The following DDAH1 variants were observed in gnomAD, a reference collection of about 807,000 sequenced individuals.
DDAH1 encodes N(G),N(G)-dimethylarginine dimethylaminohydrolase 1.
A neutral mutation model predicts 28.8 loss-of-function variants in DDAH1; 19 were observed. That is an observed-to-expected ratio of 0.66 (90% CI 0.46 to 0.97). The LOEUF (loss-of-function observed/expected upper bound fraction) is 0.97. Ranked by LOEUF, DDAH1 falls within the 50% of genes least tolerant of loss-of-function variation. The pLI is 0.00. For synonymous variants in DDAH1, 153 were observed against 154.4 expected, an observed-to-expected ratio of 0.99 and a Z score of 0.07; for missense variants, 326 against 375.9, an observed-to-expected ratio of 0.87 and a Z score of 1.10.
At chr1:85,508,213 T>C (rs1225579502) in intron 1 of DDAH1, among the ~76,000 whole-genome samples, 2 of 152,232 alleles carry the variant, frequency 1.3e-5, no homozygotes, top group East Asian at 1.9e-4. Flanking sequence ...CTTGCCTGAA[T>C]CGATTATTTC....
At chr1:85,357,286 T>C (rs955665914) in intron 2 of DDAH1, among the ~76,000 whole-genome samples, 3 of 152,090 alleles carry the variant, frequency 2.0e-5, no homozygotes, top group African/African-American at 7.2e-5. Context: ...ACCCCAGAGA[T>C]GGACCACTGC....
At chr1:85,441,747 A>G in intron 1 of DDAH1, among the ~76,000 whole-genome samples, 1 of 152,130 alleles carries the variant, frequency 6.6e-6, no homozygotes, top group East Asian at 1.9e-4. Flanking sequence ...CCAATGTTTC[A>G]TATTTATTAT....
chr1:85,454,893 G>A (rs544332484), intron 1 of DDAH1, among the ~76,000 whole-genome samples: 1 of 152,240 alleles, frequency 6.6e-6, no homozygotes, highest in South Asian at 2.1e-4. Flanking sequence ...TAGGGAGGCC[G>A]AAGCCTTAAT....
At position 85,535,395 on chromosome 1, in the gene DDAH1, A is replaced by G. The variant is rs541230806; in HGVS notation, c.-122-39114T>C. 5.7e-5 allele frequency among the ~76,000 whole-genome samples: 7 copies of G among 123,824 alleles called. No individual in the cohort carries two copies. In the East Asian group the frequency reaches 6.7e-4, roughly 12 times the overall value. The allele number at this position is 123,824 out of a possible 152,430, so 81.2% of individuals were successfully genotyped here. A position where few individuals can be genotyped will look rare whatever the true frequency, so the allele number is the denominator to read the frequency against. On this transcript the variant is annotated intron_variant, in intron 1 of 6. Coordinates refer to the DDAH1 transcript ENST00000426972. ...TTCTAACCTAAATCCCGCACGTTCT[A>G]GTTTCAGCCCATTTCCCTTTGCTCT...
chr1:85,359,939 C>T (rs1649698106), intron 1 of DDAH1, among the ~76,000 whole-genome samples: 2 of 152,082 alleles, frequency 1.3e-5, no homozygotes, highest in South Asian at 4.1e-4. Flanking sequence ...AGTAGCTCAA[C>T]AAAACAATTT....
At chr1:85,536,948 C>CATATATATAT (rs202209648) in intron 1 of DDAH1, among the ~76,000 whole-genome samples, 2 of 91,822 alleles carry the variant, frequency 2.2e-5, no homozygotes, top group African/African-American at 4.0e-5. Context: ...GAAAATGTGG[C>CATATATATAT]ATATATATAT....
Position 85,351,500 on chromosome 1 carries a change from A to G in DDAH1, c.477+6T>C. 7 of 1,613,198 alleles carry G rather than the reference A, an allele frequency of 4.3e-6. No homozygotes were observed. Among genetic ancestry groups the G allele is most frequent in the Non-Finnish European group, 5.1e-6 (6 of 1,179,252 alleles). ...TTGTGCCAGGCATAAACTACCTTTT[A>G]CCTACCTTAAAAGTATCAGCCAAGA... On this transcript the variant is annotated splice_donor_region_variant and intron_variant, in intron 3 of 5. Transcript: ENST00000284031.
intron 4 of DDAH1, among the ~76,000 whole-genome samples, chr1:85,337,054 T>C (rs1648178216): frequency 6.6e-6 from 1 of 152,220 alleles, no homozygotes; most frequent in East Asian, 1.9e-4. Context: ...TCAACATACA[T>C]AAATTAATAA....
At chr1:85,532,343 A>G (rs1658118457) in intron 1 of DDAH1, among the ~76,000 whole-genome samples, 1 of 151,010 alleles carries the variant, frequency 6.6e-6, no homozygotes. Flanking sequence ...AAGAAAAACA[A>G]TCTTTTGTGC....
intron 1 of DDAH1, chr1:85,379,802 T>A: frequency 2.7e-6 from 2 of 730,022 alleles, no homozygotes; most frequent in Non-Finnish European, 3.4e-6. Context: ...GAATCTTAGG[T>A]CATCTTTGAC....
At chr1:85,346,036 C>T (rs539495147) in intron 4 of DDAH1, among the ~76,000 whole-genome samples, 4 of 152,332 alleles carry the variant, frequency 2.6e-5, no homozygotes, top group African/African-American at 9.6e-5. Context: ...GAATCCACTT[C>T]ATTAACCAAG....
chr1:85,568,729 T>G (rs2100561725), intron 1 of DDAH1, among the ~76,000 whole-genome samples: 1 of 152,206 alleles, frequency 6.6e-6, no homozygotes, highest in Middle Eastern at 3.4e-3. Context: ...TGATACTATG[T>G]CCAAAGCATA....
At chr1:85,386,138 GT>G (rs1249467212) in intron 1 of DDAH1, among the ~76,000 whole-genome samples, 1 of 152,058 alleles carries the variant, frequency 6.6e-6, no homozygotes, top group Non-Finnish European at 1.5e-5. Flanking sequence ...CCTTTCCCTG[GT>G]TCCCCAAATC....
At chr1:85,409,390 C>T (rs1358566173) in intron 1 of DDAH1, among the ~76,000 whole-genome samples, 1 of 152,142 alleles carries the variant, frequency 6.6e-6, no homozygotes, top group Non-Finnish European at 1.5e-5. Context: ...CCAAATGAAA[C>T]ACCTTCATTA....
At chr1:85,513,717 G>T (rs1352097475) in intron 1 of DDAH1, among the ~76,000 whole-genome samples, 1 of 152,176 alleles carries the variant, frequency 6.6e-6, no homozygotes, top group Admixed American at 6.5e-5. Context: ...CTTCTCAAAA[G>T]AAGACATTTA....
At chr1:85,367,734 C>T (rs2100877904) in intron 1 of DDAH1, among the ~76,000 whole-genome samples, 1 of 152,180 alleles carries the variant, frequency 6.6e-6, no homozygotes, top group African/African-American at 2.4e-5. Context: ...AACATAATTC[C>T]TCTTCTTCCC....
chr1:85,486,995 G>C (rs1656228849), intron 2 of DDAH1, among the ~76,000 whole-genome samples: 1 of 152,162 alleles, frequency 6.6e-6, no homozygotes, highest in South Asian at 2.1e-4. Flanking sequence ...AAAATGATCA[G>C]AACTACAGAA....
intron 1 of DDAH1, among the ~76,000 whole-genome samples, chr1:85,536,941 A>G: frequency 8.1e-6 from 1 of 123,418 alleles, no homozygotes; most frequent in South Asian, 2.8e-4. Context: ...AGATAAAGAA[A>G]ATGTGGCATA....
intron 2 of DDAH1, among the ~76,000 whole-genome samples, chr1:85,489,278 T>C (rs1015663352): frequency 3.2e-4 from 48 of 152,188 alleles, no homozygotes; most frequent in African/African-American, 1.0e-3. Flanking sequence ...GTGTGTGCTA[T>C]TCCAGCAGCC....
Sources: gnomAD v4.1 joint callset for allele counts (sites outside exome capture counted in the v4.1 genomes callset) on GRCh38, gnomAD v4.1.1 for gene constraint, MANE v1.5 for transcripts, NCBI Gene and HGNC (gene_info 2026-07-23, HGNC 2026-07-21) for gene names.